ADAM32: variants seen among roughly 807,000 people sequenced by gnomAD.
The protein encoded by ADAM32 is ADAM metallopeptidase domain 32, also known as disintegrin and metalloproteinase domain-containing protein 32.
A neutral mutation model predicts 114.9 loss-of-function variants in ADAM32; 89 were observed. That is an observed-to-expected ratio of 0.77 (90% CI 0.65 to 0.92). The LOEUF (loss-of-function observed/expected upper bound fraction) is 0.92. Among genes scored for constraint, ADAM32 ranks in the 40% least tolerant of loss-of-function variants. The pLI is 0.00. For synonymous variants in ADAM32, 285 were observed against 307.5 expected (o/e 0.93, Z 0.77); for missense variants, 870 against 932.8 (o/e 0.93, Z 0.88).
chr8:39,125,108 G>A (rs530628448), intron 2 of ADAM32, among the ~76,000 whole-genome samples: 1 of 152,152 alleles, frequency 6.6e-6, no homozygotes, highest in African/African-American at 2.4e-5. Context: ...ATGATGTTGA[G>A]TTTTTTTCAT....
At chr8:39,271,188 T>C (rs961283250) in intron 20 of ADAM32, among the ~76,000 whole-genome samples, 10 of 152,284 alleles carry the variant, frequency 6.6e-5, no homozygotes, top group African/African-American at 2.2e-4. Flanking sequence ...AGAAAAAGAA[T>C]GTATAGGGCC....
chr8:39,111,744 G>GAA (rs1187955505), intron 1 of ADAM32, among the ~76,000 whole-genome samples: 1 of 119,152 alleles, frequency 8.4e-6, no homozygotes, highest in East Asian at 2.4e-4. Context: ...AAAAAAAAAG[G>GAA]AAAAAAAAAA....
chr8:39,262,682 T>G (rs1422734309), intron 19 of ADAM32, among the ~76,000 whole-genome samples: 1 of 150,306 alleles, frequency 6.7e-6, no homozygotes, highest in Non-Finnish European at 1.5e-5. Context: ...CCTCTCTCTC[T>G]TTCACTCCCT....
chr8:39,224,586 T>C (rs1181088495), intron 14 of ADAM32, among the ~76,000 whole-genome samples: 8 of 152,192 alleles, frequency 5.3e-5, no homozygotes, highest in Admixed American at 1.3e-4. Flanking sequence ...CTTTTCTCCA[T>C]TTTTGATTGG....
intron 10 of ADAM32, among the ~76,000 whole-genome samples, chr8:39,171,510 A>G (rs1805193805): frequency 6.6e-6 from 1 of 152,002 alleles, no homozygotes; most frequent in Non-Finnish European, 1.5e-5. Flanking sequence ...TGCAGCACCT[A>G]TTTTTATTTC....
chr8:39,283,548 T>C (rs1422642765), intron 23 of ADAM32, 38 bp from the exon 24 acceptor site: 5 of 1,513,726 alleles, frequency 3.3e-6, no homozygotes, highest in Admixed American at 3.6e-5. Flanking sequence ...CAGGTTGTAT[T>C]ATATCAGCCT....
intron 24 of ADAM32, 141 bp downstream of exon 24, chr8:39,283,765 T>TTTA: frequency 1.1e-5 from 6 of 546,652 alleles, no homozygotes; most frequent in Admixed American, 4.4e-5. Flanking sequence ...CTATCTTTCT[T>TTTA]TTATTCTTTT....
chr8:39,246,040 C>T, intron 16 of ADAM32, 43 bp from the exon 17 acceptor site: 1 of 1,422,996 alleles, frequency 7.0e-7, no homozygotes, highest in Non-Finnish European at 9.9e-7. Flanking sequence ...GATGACTGTA[C>T]CCCTCTGACA....
At chr8:39,238,241 C>A (rs773212799) in intron 16 of ADAM32, among the ~76,000 whole-genome samples, 3 of 152,200 alleles carry the variant, frequency 2.0e-5, no homozygotes, top group Non-Finnish European at 2.9e-5. Flanking sequence ...TAAAGATGGA[C>A]CACATCACAG....
intron 3 of ADAM32, 30 bp from the exon 4 acceptor site, chr8:39,147,100 T>A (rs1803551178): frequency 1.2e-6 from 1 of 860,590 alleles, no homozygotes; most frequent in Non-Finnish European, 1.6e-6. Context: ...AAAGAATAAT[T>A]AAAAAAATTT....
intron 3 of ADAM32, among the ~76,000 whole-genome samples, chr8:39,141,731 G>A (rs1043943200): frequency 9.2e-5 from 14 of 152,152 alleles, no homozygotes; most frequent in East Asian, 3.9e-4. Flanking sequence ...CTGAGTTCAA[G>A]TCCTGGATAT....
At chr8:39,226,670 A>C (rs1222447758) in intron 14 of ADAM32, among the ~76,000 whole-genome samples, 1 of 152,180 alleles carries the variant, frequency 6.6e-6, no homozygotes, top group African/African-American at 2.4e-5. Flanking sequence ...TTATCTGGCA[A>C]AGCTCTTCTT....
At chr8:39,270,765 A>G (rs1166717896) in intron 19 of ADAM32, 111 bp from the exon 20 acceptor site, 1 of 811,714 alleles carries the variant, frequency 1.2e-6, no homozygotes, top group Non-Finnish European at 2.0e-6. Flanking sequence ...TTATTTTTTA[A>G]TAATTAGTCT....
intron 14 of ADAM32, among the ~76,000 whole-genome samples, chr8:39,225,643 T>C (rs1177591776): frequency 6.6e-6 from 1 of 152,196 alleles, no homozygotes; most frequent in Non-Finnish European, 1.5e-5. Context: ...ACCACAGCTT[T>C]AGCTGCTCAG....
chr8:39,177,535 A>C (rs1331451648), intron 10 of ADAM32, among the ~76,000 whole-genome samples: 1 of 152,156 alleles, frequency 6.6e-6, no homozygotes, highest in East Asian at 1.9e-4. Context: ...GTTCTGTGTG[A>C]ATTTGATCCT....
At chr8:39,180,587 G>T (rs566410332) in intron 10 of ADAM32, among the ~76,000 whole-genome samples, 3 of 152,372 alleles carry the variant, frequency 2.0e-5, no homozygotes, top group African/African-American at 7.2e-5. Flanking sequence ...AGCCAGCTGG[G>T]CTCCTGAGTC....
intron 14 of ADAM32, among the ~76,000 whole-genome samples, chr8:39,228,100 C>T (rs551866987): frequency 6.6e-6 from 1 of 152,282 alleles, no homozygotes; most frequent in African/African-American, 2.4e-5. Context: ...CAGTTCGGCT[C>T]ATAGGAAGCC....
intron 2 of ADAM32, among the ~76,000 whole-genome samples, chr8:39,125,935 T>C (rs1802085881): frequency 6.6e-6 from 1 of 152,180 alleles, no homozygotes; most frequent in Admixed American, 6.6e-5. Flanking sequence ...TCCCCATTGC[T>C]TGTGTTTGTC....
At chr8:39,195,846 A>G (rs1174837980) in intron 11 of ADAM32, among the ~76,000 whole-genome samples, 1 of 152,242 alleles carries the variant, frequency 6.6e-6, no homozygotes, top group Admixed American at 6.5e-5. Context: ...TTCCATATTA[A>G]TTTTAGGATT....
Sources: gnomAD v4.1 joint callset for allele counts (sites outside exome capture counted in the v4.1 genomes callset) on GRCh38, gnomAD v4.1.1 for gene constraint, MANE v1.5 for transcripts, NCBI Gene and HGNC (gene_info 2026-07-23, HGNC 2026-07-21) for gene names.